The following TBC1D5 variants were observed in gnomAD, a reference collection of about 807,000 sequenced individuals.
The protein encoded by TBC1D5 is TBC1 domain family member 5.
A neutral mutation model predicts 100.3 loss-of-function variants in TBC1D5; 75 were observed. The ratio of observed to expected loss-of-function variants is 0.75; its 90% confidence interval spans 0.62 to 0.91. TBC1D5 has a LOEUF of 0.91. Among genes scored for constraint, TBC1D5 ranks in the 40% least tolerant of loss-of-function variants. TBC1D5 has a pLI of 0.00. For synonymous variants in TBC1D5, 323 were observed against 325.6 expected (o/e 0.99, Z 0.09); for missense variants, 910 against 942.4 (o/e 0.97, Z 0.45).
intron 2 of TBC1D5, among the ~76,000 whole-genome samples, chr3:17,607,645 T>G (rs1037982060): frequency 6.6e-6 from 1 of 151,348 alleles, no homozygotes; most frequent in Non-Finnish European, 1.5e-5. Context: ...AGAGATGCAA[T>G]TCCTTGCCCC....
intron 2 of TBC1D5, among the ~76,000 whole-genome samples, chr3:17,577,181 A>G: frequency 6.6e-6 from 1 of 152,030 alleles, no homozygotes; most frequent in Non-Finnish European, 1.5e-5. Flanking sequence ...GGCAGTCTTT[A>G]AAGTCTGCAT....
exon 22 of TBC1D5, chr3:17,160,661 G>C (rs981908632): frequency 3.2e-6 from 1 of 316,190 alleles, no homozygotes; most frequent in Admixed American, 4.4e-5. Flanking sequence ...ATTGTGATTC[G>C]GTCTTTTCTA....
chr3:17,423,710 C>A (rs934188508), intron 4 of TBC1D5, among the ~76,000 whole-genome samples: 3 of 151,872 alleles, frequency 2.0e-5, no homozygotes, highest in Non-Finnish European at 2.9e-5. Flanking sequence ...GGAAAAAATA[C>A]TGAGTAAACT....
intron 1 of TBC1D5, among the ~76,000 whole-genome samples, chr3:17,641,074 C>T (rs940560005): frequency 1.3e-5 from 2 of 151,950 alleles, no homozygotes; most frequent in Non-Finnish European, 2.9e-5. Flanking sequence ...GTGAAATTAT[C>T]GTACGTAATA....
chr3:17,311,888 G>T (rs544853944), intron 13 of TBC1D5, among the ~76,000 whole-genome samples: 1 of 152,006 alleles, frequency 6.6e-6, no homozygotes, highest in Non-Finnish European at 1.5e-5. Flanking sequence ...TTTGCTCAAT[G>T]ATATCAATTT....
chr3:17,638,843 A>G (rs375251766), intron 1 of TBC1D5, among the ~76,000 whole-genome samples: 3 of 152,152 alleles, frequency 2.0e-5, no homozygotes, highest in East Asian at 1.9e-4. Context: ...AAAAGAATAT[A>G]TAATAAAAAA....
chr3:17,483,720 A>G (rs1318236431), intron 3 of TBC1D5, among the ~76,000 whole-genome samples: 1 of 152,182 alleles, frequency 6.6e-6, no homozygotes, highest in Non-Finnish European at 1.5e-5. Context: ...TATTTACTGC[A>G]TTTTTGGGTG....
intron 13 of TBC1D5, among the ~76,000 whole-genome samples, chr3:17,364,274 C>A (rs2091958014): frequency 6.6e-6 from 1 of 152,026 alleles, no homozygotes; most frequent in East Asian, 1.9e-4. Flanking sequence ...GGTTTGTGAT[C>A]TTTCCTTCTT....
chr3:17,403,259 G>A lies in TBC1D5; in HGVS notation c.442-11C>T. 1 of 1,571,746 alleles carries A rather than the reference G, an allele frequency of 6.4e-7. No homozygotes were observed. The highest frequency in any genetic ancestry group is 1.4e-5 in the African/African-American group (1 of 74,048). On this transcript the variant is annotated splice_polypyrimidine_tract_variant and intron_variant, in intron 7 of 21. Transcript: ENST00000253692. ...TTTGTTCCAAAGACTCTGAAATAAG[G>A]AAAACAATCTATTATATAGTCTCAC...
At chr3:17,166,483 C>T (rs1344283377) in intron 21 of TBC1D5, among the ~76,000 whole-genome samples, 3 of 152,182 alleles carry the variant, frequency 2.0e-5, no homozygotes, top group East Asian at 3.8e-4. Flanking sequence ...TCCCATCGCA[C>T]AGAATGGGCA....
At chr3:17,685,689 ATATAAT>A (rs1259278509) in intron 1 of TBC1D5, among the ~76,000 whole-genome samples, 2 of 152,136 alleles carry the variant, frequency 1.3e-5, no homozygotes, top group African/African-American at 2.4e-5. Flanking sequence ...TACATCATTA[ATATAAT>A]TATAATACAA....
chr3:17,704,454 G>T (rs1214550023), intron 1 of TBC1D5, among the ~76,000 whole-genome samples: 3 of 147,388 alleles, frequency 2.0e-5, no homozygotes, highest in Non-Finnish European at 4.5e-5. Flanking sequence ...CCCAGACGGG[G>T]TGGTGGCCGG....
At position 17,572,584 on chromosome 3, in the gene TBC1D5, T is replaced by C. The variant is rs547139053; in HGVS notation, c.-36+51265A>G. Reference sequence around the variant, plus strand: ...ATAGTAACATAGTACCTTTCACTGATACTCTATAATGCTTCATGTCCCATT... The same window carrying C: ...ATAGTAACATAGTACCTTTCACTGACACTCTATAATGCTTCATGTCCCATT... On this transcript the variant is annotated intron_variant, in intron 2 of 21. Transcript: ENST00000253692. Among the ~76,000 whole-genome samples, 6 of 152,186 alleles carry C rather than the reference T, an allele frequency of 3.9e-5. No homozygotes were observed. In the South Asian group the frequency reaches 1.2e-3, roughly 32 times the overall value.
intron 3 of TBC1D5, among the ~76,000 whole-genome samples, chr3:17,469,984 C>T (rs1467813502): frequency 6.6e-6 from 1 of 152,222 alleles, no homozygotes; most frequent in Non-Finnish European, 1.5e-5. Flanking sequence ...TACTCCTTCA[C>T]ATTTCTTCTA....
At chr3:17,207,767 A>G (rs2072416103) in intron 18 of TBC1D5, among the ~76,000 whole-genome samples, 1 of 152,226 alleles carries the variant, frequency 6.6e-6, no homozygotes, top group Non-Finnish European at 1.5e-5. Context: ...GATTTTGACA[A>G]TAATTTCTCA....
chr3:17,160,814 A>C, exon 22 of TBC1D5: 1 of 1,007,208 alleles, frequency 9.9e-7, no homozygotes, highest in Non-Finnish European at 1.4e-6. Flanking sequence ...GCTTCTCTCT[A>C]AGGGGTTTCA....
chr3:17,599,662 C>T (rs1453088631), intron 2 of TBC1D5, among the ~76,000 whole-genome samples: 4 of 152,164 alleles, frequency 2.6e-5, no homozygotes, highest in Admixed American at 6.5e-5. Context: ...ACTGCAAAGA[C>T]AGTATTAATT....
intron 18 of TBC1D5, among the ~76,000 whole-genome samples, chr3:17,206,806 T>C (rs1479222042): frequency 6.6e-6 from 1 of 152,232 alleles, no homozygotes; most frequent in Non-Finnish European, 1.5e-5. Context: ...TTGGTATGTA[T>C]TATAATTATT....
chr3:17,232,489 C>T (rs1335794358), intron 17 of TBC1D5, among the ~76,000 whole-genome samples: 1 of 152,146 alleles, frequency 6.6e-6, no homozygotes, highest in Non-Finnish European at 1.5e-5. Context: ...ACATTATCTG[C>T]CTTTCCTCTT....
Sources: allele counts gnomAD v4.1 joint callset (sites outside exome capture counted in the v4.1 genomes callset), GRCh38; gene constraint gnomAD v4.1.1; transcripts MANE v1.5; gene names NCBI Gene and HGNC (gene_info 2026-07-23, HGNC 2026-07-21).